Variants in EFCAB11 observed in about 807,000 individuals in gnomAD.
EFCAB11 encodes EF-hand calcium-binding domain-containing protein 11.
Under a neutral mutation model 23.0 loss-of-function variants are expected in EFCAB11, and 14 were observed. The ratio of observed to expected loss-of-function variants is 0.61; its 90% CI spans 0.40 to 0.95. EFCAB11 has a LOEUF of 0.95. Among genes scored for constraint, EFCAB11 ranks in the 40% least tolerant of loss-of-function variants. EFCAB11 has a pLI of 0.00. For synonymous variants in EFCAB11, 65 were observed against 66.6 expected (o/e 0.98, Z 0.11); for missense variants, 198 against 195.8 (o/e 1.01, Z -0.07).
chr14:89,885,864 T>C (rs938526652), intron 5 of EFCAB11, among the ~76,000 whole-genome samples: 1 of 149,774 alleles, frequency 6.7e-6, no homozygotes, highest in South Asian at 2.1e-4. Context: ...GGGTTTGAAG[T>C]TGGCTTCTTG....
chr14:89,849,954 C>T (rs963003359), intron 5 of EFCAB11, among the ~76,000 whole-genome samples: 2 of 152,070 alleles, frequency 1.3e-5, no homozygotes, highest in African/African-American at 4.8e-5. Flanking sequence ...TTTCTCTGTT[C>T]CATTTCTCTT....
intron 5 of EFCAB11, among the ~76,000 whole-genome samples, chr14:89,884,186 T>C (rs549191015): frequency 2.0e-5 from 3 of 152,242 alleles, no homozygotes; most frequent in African/African-American, 7.2e-5. Context: ...AATTATACAA[T>C]TGTATATCCT....
At chr14:89,898,933 C>T (rs1889259087) in intron 5 of EFCAB11, among the ~76,000 whole-genome samples, 1 of 152,122 alleles carries the variant, frequency 6.6e-6, no homozygotes, top group South Asian at 2.1e-4. Flanking sequence ...CTCGGACTCC[C>T]AAAGTGCTAG....
intron 5 of EFCAB11, among the ~76,000 whole-genome samples, chr14:89,885,739 G>A (rs1243481551): frequency 4.2e-5 from 5 of 118,940 alleles, no homozygotes; most frequent in African/African-American, 1.6e-4. Context: ...GAGAGAGAGA[G>A]AGAAAGAAAG....
At chr14:89,949,297 A>G (rs978602312) in intron 3 of EFCAB11, among the ~76,000 whole-genome samples, 1 of 152,166 alleles carries the variant, frequency 6.6e-6, no homozygotes, top group African/African-American at 2.4e-5. Context: ...AAAAACCACC[A>G]AAACCTTTCT....
At chr14:89,867,160 C>T (rs947801104) in intron 5 of EFCAB11, among the ~76,000 whole-genome samples, 7 of 152,216 alleles carry the variant, frequency 4.6e-5, no homozygotes, top group African/African-American at 1.7e-4. Context: ...TCTCCTGCCT[C>T]ACCATCAGCA....
intron 5 of EFCAB11, among the ~76,000 whole-genome samples, chr14:89,903,959 C>T (rs991172296): frequency 5.9e-5 from 9 of 151,890 alleles, no homozygotes; most frequent in African/African-American, 2.2e-4. Context: ...TCTAGAGAAC[C>T]CTAACACAAA....
intron 5 of EFCAB11, among the ~76,000 whole-genome samples, chr14:89,818,761 C>A (rs774743612): frequency 6.6e-6 from 1 of 152,068 alleles, no homozygotes; most frequent in African/African-American, 2.4e-5. Context: ...ATGGAAAATA[C>A]GCACATGAAA....
Position 89,797,033 on chromosome 14 carries a change from A to G in EFCAB11, c.*210T>C. 3.3e-6 allele frequency: 1 copy of G among 301,752 alleles called. No homozygotes were observed. Among genetic ancestry groups the G allele is most frequent in the East Asian group, 5.2e-5 (1 of 19,198 alleles). The allele number at this position is 301,752 out of a possible 1,614,324, so 18.7% of individuals were successfully genotyped here. ...AAAATTATGATTAAAAATTTAGTCA[A>G]TTACTTATTGCATGCCTGTGCCAAA... On this transcript the variant is annotated 3_prime_UTR_variant, in exon 6 of 6. Transcript: ENST00000316738.
chr14:89,850,226 G>A (rs1447987186), intron 5 of EFCAB11, among the ~76,000 whole-genome samples: 1 of 152,118 alleles, frequency 6.6e-6, no homozygotes, highest in Non-Finnish European at 1.5e-5. Context: ...TAGAACACAT[G>A]GTCCTGTGCA....
At chr14:89,841,420 C>T (rs1027366472) in intron 5 of EFCAB11, among the ~76,000 whole-genome samples, 2 of 151,646 alleles carry the variant, frequency 1.3e-5, no homozygotes, top group Non-Finnish European at 2.9e-5. Flanking sequence ...TTCATCTCCC[C>T]TCCCCCTCAA....
In EFCAB11 at chr14:89,875,440, T is replaced by C. The variant is rs907439015; in HGVS notation, c.410+56101A>G. 1.4e-4 allele frequency among the ~76,000 whole-genome samples: 21 copies of C among 152,104 alleles called. 1 individual carries two copies. The highest frequency in any genetic ancestry group is 3.9e-4 in the African/African-American group (16 of 41,418). ...GCCACACAATTGTGAGGTACTTTGT[T>C]ACAGCCAACTAAGATAGCACGGGTC... On this transcript the variant is annotated intron_variant, in intron 5 of 5. Transcript: ENST00000316738.
At chr14:89,948,390 G>A (rs1891051137) in intron 3 of EFCAB11, among the ~76,000 whole-genome samples, 1 of 152,192 alleles carries the variant, frequency 6.6e-6, no homozygotes, top group African/African-American at 2.4e-5. Context: ...TGGTAGGCAT[G>A]TAAATTAGTA....
At chr14:89,854,472 A>G (rs1887690890) in intron 5 of EFCAB11, among the ~76,000 whole-genome samples, 1 of 152,168 alleles carries the variant, frequency 6.6e-6, no homozygotes, top group Admixed American at 6.5e-5. Context: ...CACACAGCCA[A>G]GAAAGTCCTC....
chr14:89,849,941 T>C (rs1887552223), intron 5 of EFCAB11, among the ~76,000 whole-genome samples: 1 of 152,192 alleles, frequency 6.6e-6, no homozygotes, highest in East Asian at 1.9e-4. Flanking sequence ...GTGAATCTTT[T>C]ATTTTCTCTG....
At chr14:89,901,352 A>C (rs184877874) in intron 5 of EFCAB11, among the ~76,000 whole-genome samples, 15 of 152,330 alleles carry the variant, frequency 9.8e-5, no homozygotes. Flanking sequence ...CCTAAGGATA[A>C]AAAAGATGGT....
chr14:89,856,184 CTCTCTCTCTTT>C (rs973660972), intron 5 of EFCAB11, among the ~76,000 whole-genome samples: 2 of 104,368 alleles, frequency 1.9e-5, no homozygotes, highest in African/African-American at 5.7e-5. Flanking sequence ...TAATTTCTCT[CTCTCTCTCTTT>C]TTTTTTTTTT....
chr14:89,880,523 A>T (rs1888567850), intron 5 of EFCAB11, among the ~76,000 whole-genome samples: 1 of 152,208 alleles, frequency 6.6e-6, no homozygotes, highest in African/African-American at 2.4e-5. Context: ...GAGTCTTAAG[A>T]ATATTTCAAA....
chr14:89,926,264 CT>C (rs1321780824), intron 5 of EFCAB11, among the ~76,000 whole-genome samples: 2 of 152,060 alleles, frequency 1.3e-5, no homozygotes, highest in African/African-American at 2.4e-5. Context: ...TAATTTGTTC[CT>C]CACAACTTTT....
Sources: gnomAD v4.1 joint callset for allele counts (sites outside exome capture counted in the v4.1 genomes callset) on GRCh38, gnomAD v4.1.1 for gene constraint, MANE v1.5 for transcripts, NCBI Gene and HGNC (gene_info 2026-07-23, HGNC 2026-07-21) for gene names.